The following ZNF385D variants were observed in gnomAD, a reference collection of about 807,000 sequenced individuals.
The protein encoded by ZNF385D is zinc finger protein 659.
Under a neutral mutation model 35.8 loss-of-function variants are expected in ZNF385D, and 15 were observed. The observed-to-expected ratio is 0.42, with a 90% confidence interval of 0.28 to 0.64. The LOEUF is 0.64. ZNF385D is among the 30% of genes least tolerant of loss of function. The pLI is 0.23. For missense variants in ZNF385D, 474 were observed against 494.6 expected (o/e 0.96, Z 0.39); for synonymous variants, 212 against 186.8 (o/e 1.13, Z -1.10).
At chr3:22,298,426 T>C (rs1052168831) in intron 2 of ZNF385D, among the ~76,000 whole-genome samples, 1 of 145,374 alleles carries the variant, frequency 6.9e-6, no homozygotes, top group African/African-American at 2.5e-5. Context: ...CATTTATATA[T>C]AATATATAAA....
intron 2 of ZNF385D, among the ~76,000 whole-genome samples, chr3:21,645,945 C>A (rs1033771735): frequency 6.6e-6 from 1 of 152,094 alleles, no homozygotes; most frequent in Non-Finnish European, 1.5e-5. Flanking sequence ...AGATGAGTTT[C>A]AAATTTGTCT....
chr3:22,195,346 T>C (rs1696340389), intron 2 of ZNF385D, among the ~76,000 whole-genome samples: 1 of 151,978 alleles, frequency 6.6e-6, no homozygotes, highest in Non-Finnish European at 1.5e-5. Context: ...GACTGGAGTT[T>C]TGAGATTACG....
chr3:21,514,391 G>A (rs1199917866), intron 3 of ZNF385D, among the ~76,000 whole-genome samples: 1 of 152,080 alleles, frequency 6.6e-6, no homozygotes, highest in Admixed American at 6.6e-5. Context: ...AAAACAATAA[G>A]ATTTGAGCTT....
At chr3:21,907,549 A>G (rs1459654983) in intron 3 of ZNF385D, among the ~76,000 whole-genome samples, 1 of 152,074 alleles carries the variant, frequency 6.6e-6, no homozygotes, top group Non-Finnish European at 1.5e-5. Flanking sequence ...TAAAAATAGC[A>G]CTGCTATGGA....
chr3:21,672,110 C>T (rs544327680), intron 1 of ZNF385D, among the ~76,000 whole-genome samples: 35 of 152,142 alleles, frequency 2.3e-4, no homozygotes, highest in Admixed American at 4.6e-4. Context: ...TGTATGTTTA[C>T]CCATATTTCC....
intron 1 of ZNF385D, among the ~76,000 whole-genome samples, chr3:21,704,275 A>G (rs895057107): frequency 1.1e-4 from 17 of 152,008 alleles, no homozygotes; most frequent in African/African-American, 3.6e-4. Flanking sequence ...TCAGGATTCT[A>G]CTCAGGTCCT....
chr3:22,010,654 C>T (rs1696514013), intron 3 of ZNF385D, among the ~76,000 whole-genome samples: 1 of 152,138 alleles, frequency 6.6e-6, no homozygotes, highest in African/African-American at 2.4e-5. Flanking sequence ...GGACCTAATA[C>T]TACAAAAACA....
intron 2 of ZNF385D, among the ~76,000 whole-genome samples, chr3:22,186,983 G>A (rs1247127943): frequency 1.3e-5 from 2 of 152,134 alleles, no homozygotes; most frequent in Admixed American, 6.6e-5. Context: ...CCAATTTACA[G>A]ATGAGAAAAC....
chr3:22,143,752 T>C (rs1704672407), intron 3 of ZNF385D, among the ~76,000 whole-genome samples: 1 of 152,226 alleles, frequency 6.6e-6, no homozygotes, highest in African/African-American at 2.4e-5. Context: ...AACAATTTTA[T>C]TAAATGTCTG....
At chr3:22,137,295 G>A (rs912189889) in intron 3 of ZNF385D, among the ~76,000 whole-genome samples, 1 of 152,088 alleles carries the variant, frequency 6.6e-6, no homozygotes, top group African/African-American at 2.4e-5. Context: ...AATAGAAAAC[G>A]AGGGAATCCT....
chr3:21,648,912 G>A (rs1051280704), intron 2 of ZNF385D, among the ~76,000 whole-genome samples: 4 of 152,134 alleles, frequency 2.6e-5, no homozygotes, highest in African/African-American at 9.7e-5. Flanking sequence ...TCTAGCCATA[G>A]TAGTATTATC....
rs190505333 is a variant in ZNF385D at position 21,702,728 on chromosome 3, T to A, written c.23-37700A>T. Among the ~76,000 whole-genome samples, 257 of 152,324 alleles carry A rather than the reference T, an allele frequency of 1.7e-3. 2 individuals are homozygous for A. The highest frequency in any genetic ancestry group is 5.5e-3 in the African/African-American group (228 of 41,568). On this transcript the variant is annotated intron_variant, in intron 1 of 7. Coordinates refer to ENST00000281523, the MANE Select transcript of ZNF385D (RefSeq NM_024697.3). ...CTGCTTAGAAATTTCTTCCACCAGATACCCTAAATCATCTCTCTCACGTTC... is the reference window on the plus strand; with the variant it reads ...CTGCTTAGAAATTTCTTCCACCAGAAACCCTAAATCATCTCTCTCACGTTC...
rs5847148 is a variant in ZNF385D, at chr3:21,867,742, T to TA, written c.326-202715dup. The stretch of plus-strand genomic sequence containing the variant: ...AGGCAATATGTTTTAGTAGGAAAAG[T>TA]AAAAAAAAAAAAAACCTCAACCAGT... On this transcript the variant is annotated intron_variant, in intron 3 of 5. Coordinates refer to the ZNF385D transcript ENST00000494108. Among the ~76,000 whole-genome samples the TA allele has an allele frequency of 3.1e-3, 454 of 148,806 alleles. 2 individuals are homozygous for TA. Among genetic ancestry groups the TA allele is most frequent in the Admixed American group, 5.0e-3 (74 of 14,896 alleles).
intron 2 of ZNF385D, among the ~76,000 whole-genome samples, chr3:21,633,915 G>C (rs1279675385): frequency 6.6e-6 from 1 of 151,980 alleles, no homozygotes; most frequent in African/African-American, 2.4e-5. Flanking sequence ...AGAGGAAATG[G>C]CTGGGTACAG....
chr3:21,953,227 C>G (rs1180613156), intron 3 of ZNF385D, among the ~76,000 whole-genome samples: 2 of 151,304 alleles, frequency 1.3e-5, no homozygotes, highest in African/African-American at 2.4e-5. Flanking sequence ...TTCAAGCAAG[C>G]AGCAGAACTT....
At chr3:22,172,839 G>C (rs1694554970) in intron 2 of ZNF385D, among the ~76,000 whole-genome samples, 1 of 152,126 alleles carries the variant, frequency 6.6e-6, no homozygotes, top group Non-Finnish European at 1.5e-5. Context: ...AACTTAAATA[G>C]ACATCCTCCA....
At chr3:22,184,065 T>G (rs34780853) in intron 2 of ZNF385D, among the ~76,000 whole-genome samples, 1,717 of 152,188 alleles carry the variant, frequency 0.011, 41 homozygotes, top group East Asian at 0.11. Flanking sequence ...CTTTTAGGAG[T>G]TCTGATCATT....
chr3:21,961,526 T>A (rs1431174021), intron 3 of ZNF385D: 2 of 152,102 alleles, frequency 1.3e-5, no homozygotes, highest in East Asian at 3.8e-4. Context: ...GCAGGAAAAA[T>A]TTCCTTAGAA....
chr3:22,237,408 A>T (rs1314030324), intron 2 of ZNF385D, among the ~76,000 whole-genome samples: 2 of 152,122 alleles, frequency 1.3e-5, no homozygotes, highest in Admixed American at 6.6e-5. Flanking sequence ...TCTAGATACT[A>T]GACTCTTACT....
Sources: allele counts gnomAD v4.1 joint callset (sites outside exome capture counted in the v4.1 genomes callset), GRCh38; gene constraint gnomAD v4.1.1; transcripts MANE v1.5; gene names NCBI Gene and HGNC (gene_info 2026-07-23, HGNC 2026-07-21).